ANKFN1: variants seen among roughly 807,000 people sequenced by gnomAD.
ANKFN1 encodes the protein ankyrin repeat and fibronectin type-III domain-containing protein 1.
In ANKFN1, 74 loss-of-function variants were observed where a neutral mutation model predicts 108.7. That is an observed-to-expected ratio of 0.68 (90% CI 0.56 to 0.83). ANKFN1 has a LOEUF of 0.83. Ranked by LOEUF, ANKFN1 falls within the 40% of genes least tolerant of loss-of-function variation. The probability of loss-of-function intolerance (pLI) is 0.00; values close to 1 mark genes in which losing one functional copy is unlikely to be tolerated. For synonymous variants in ANKFN1, 547 were observed against 516.2 expected (o/e 1.06, Z -0.81); for missense variants, 1,505 against 1,382.3 (o/e 1.09, Z -1.41).
chr17:56,092,889 G>T (rs147781340), intron 4 of ANKFN1, among the ~76,000 whole-genome samples: 4 of 151,120 alleles, frequency 2.6e-5, no homozygotes, highest in Middle Eastern at 3.4e-3. Context: ...GGGACCTCCA[G>T]ACTCAATGCC....
Position 56,515,495 on chromosome 17 carries a change from G to GA in ANKFN1, c.*4233dup, listed in dbSNP as rs982036829. ...CTTCATAGGTAATAGGGTGAGCAAG[G>GA]AAAAAAACTGTTTTCTTTGCTGGTC... On this transcript the variant is annotated 3_prime_UTR_variant, in exon 21 of 21. Transcript: ENST00000682825. Among the ~76,000 whole-genome samples the GA allele has an allele frequency of 2.0e-5, 3 of 152,032 alleles. No individual in the cohort carries two copies. The highest frequency in any genetic ancestry group is 2.9e-5 in the Non-Finnish European group (2 of 67,990).
At chr17:56,098,861 G>GTA (rs1905585254) in intron 4 of ANKFN1, among the ~76,000 whole-genome samples, 4 of 97,780 alleles carry the variant, frequency 4.1e-5, no homozygotes, top group Non-Finnish European at 8.3e-5. Context: ...GTGTGTGTGC[G>GTA]TGTGTGCATG....
At chr17:56,332,463 T>C (rs1474844259) in intron 4 of ANKFN1, among the ~76,000 whole-genome samples, 1 of 152,208 alleles carries the variant, frequency 6.6e-6, no homozygotes, top group Non-Finnish European at 1.5e-5. Context: ...TTAATTTTTG[T>C]ATATGATGTG....
chr17:56,328,126 C>T (rs529486693), intron 4 of ANKFN1, among the ~76,000 whole-genome samples: 1 of 152,272 alleles, frequency 6.6e-6, no homozygotes, highest in South Asian at 2.1e-4. Context: ...ATTTGCTATA[C>T]TTACGACCCC....
chr17:56,139,346 A>C (rs747235243), intron 4 of ANKFN1, among the ~76,000 whole-genome samples: 1 of 152,310 alleles, frequency 6.6e-6, no homozygotes, highest in South Asian at 2.1e-4. Flanking sequence ...AGCACTTATT[A>C]ATTTCAACCA....
chr17:56,107,008 C>A (rs1249045846), intron 4 of ANKFN1, among the ~76,000 whole-genome samples: 1 of 152,142 alleles, frequency 6.6e-6, no homozygotes, highest in African/African-American at 2.4e-5. Context: ...TTTGCATGTG[C>A]CTCAACCCCT....
rs2051769533 is a variant in ANKFN1 at position 56,511,475 on chromosome 17, C to T, written c.*206C>T. ...TTGCCAGTGCCATTCCCACTTCAGC[C>T]TAGAAAGGGCATGGGGGAGTTGTGT... On this transcript the variant is annotated 3_prime_UTR_variant, in exon 21 of 21. Transcript: ENST00000682825. The T allele has an allele frequency of 1.7e-6, 1 of 591,448 alleles. No homozygotes were observed. The highest frequency in any genetic ancestry group is 1.9e-5 in the African/African-American group (1 of 53,552). 36.6% of individuals were successfully genotyped at this position (591,448 alleles called of 1,614,324 possible).
intron 10 of ANKFN1, among the ~76,000 whole-genome samples, chr17:56,443,992 C>G (rs1024527217): frequency 1.5e-4 from 23 of 152,164 alleles, no homozygotes; most frequent in African/African-American, 5.3e-4. Flanking sequence ...TTTCTTTTTA[C>G]TCCATAATTC....
At chr17:56,454,293 C>T (rs1254132077) in intron 11 of ANKFN1, among the ~76,000 whole-genome samples, 1 of 152,168 alleles carries the variant, frequency 6.6e-6, no homozygotes, top group Non-Finnish European at 1.5e-5. Flanking sequence ...CCAATGCTCT[C>T]TTTTGTCCTC....
chr17:56,425,985 A>G (rs1306669100), intron 8 of ANKFN1, among the ~76,000 whole-genome samples: 1 of 152,246 alleles, frequency 6.6e-6, no homozygotes, highest in Non-Finnish European at 1.5e-5. Context: ...TCAGCACACT[A>G]TATTTAAAGT....
chr17:56,053,548 C>A (rs1904815049), intron 4 of ANKFN1, among the ~76,000 whole-genome samples: 5 of 152,288 alleles, frequency 3.3e-5, no homozygotes, highest in African/African-American at 1.2e-4. Flanking sequence ...CTTTCCCATT[C>A]ATCTATTGAT....
chr17:56,324,576 A>T (rs1352875451), intron 3 of ANKFN1, among the ~76,000 whole-genome samples: 4 of 152,144 alleles, frequency 2.6e-5, no homozygotes, highest in African/African-American at 9.7e-5. Flanking sequence ...TTCAAGCCAA[A>T]ATTTTTCTAG....
chr17:56,498,115 C>A (rs2051257470), intron 19 of ANKFN1, among the ~76,000 whole-genome samples: 1 of 151,966 alleles, frequency 6.6e-6, no homozygotes, highest in South Asian at 2.1e-4. Flanking sequence ...CAAAATGGAA[C>A]AACCTAAAAT....
chr17:56,053,381 A>G (rs1402378181), intron 4 of ANKFN1, among the ~76,000 whole-genome samples: 7 of 152,150 alleles, frequency 4.6e-5, no homozygotes, highest in African/African-American at 1.7e-4. Flanking sequence ...AGCACCCACA[A>G]GTGTAAATGA....
At chr17:56,138,591 C>T (rs1265517846) in intron 4 of ANKFN1, among the ~76,000 whole-genome samples, 2 of 150,752 alleles carry the variant, frequency 1.3e-5, no homozygotes, top group African/African-American at 4.9e-5. Flanking sequence ...CTCACTGTAA[C>T]CTCTGCCTCC....
chr17:56,213,636 C>T (rs1011195092), intron 2 of ANKFN1, among the ~76,000 whole-genome samples: 2 of 152,140 alleles, frequency 1.3e-5, no homozygotes, highest in African/African-American at 4.8e-5. Flanking sequence ...AGGTGCCATC[C>T]TAAGTGCTGC....
chr17:56,080,730 A>G lies in ANKFN1; in HGVS notation c.288+34405A>G, dbSNP rs762257377. On this transcript the variant is annotated intron_variant, in intron 4 of 12. Transcript: ENST00000635860. ...GGCTCCAGAGTATGTGTCTTTAACT[A>G]TTATGCTCTATTGCCCCTTATTTTT... Among the ~76,000 whole-genome samples the G allele has an allele frequency of 6.6e-5, 10 of 152,214 alleles. 1 individual carries two copies. Among genetic ancestry groups the G allele is most frequent in the Admixed American group, 5.2e-4 (8 of 15,290 alleles).
At chr17:56,439,276 A>T (rs2049024479) in intron 8 of ANKFN1, among the ~76,000 whole-genome samples, 1 of 152,098 alleles carries the variant, frequency 6.6e-6, no homozygotes, top group Non-Finnish European at 1.5e-5. Context: ...AAATCTTAAG[A>T]TCTATTGCTT....
intron 10 of ANKFN1, among the ~76,000 whole-genome samples, chr17:56,445,670 T>A (rs1265490214): frequency 6.6e-6 from 1 of 152,182 alleles, no homozygotes; most frequent in Non-Finnish European, 1.5e-5. Context: ...TATTCTAACA[T>A]GACAGGGTAA....
Sources: allele counts gnomAD v4.1 joint callset (sites outside exome capture counted in the v4.1 genomes callset), GRCh38; gene constraint gnomAD v4.1.1; transcripts MANE v1.5; gene names NCBI Gene and HGNC (gene_info 2026-07-23, HGNC 2026-07-21).